LIMD1: variants seen among roughly 807,000 people sequenced by gnomAD.
LIMD1 encodes the protein LIM domain-containing protein 1.
A neutral mutation model predicts 58.4 loss-of-function variants in LIMD1; 23 were observed. The observed-to-expected ratio is 0.39, with a 90% CI of 0.28 to 0.56. The LOEUF (loss-of-function observed/expected upper bound fraction) is 0.56, where lower values mean the gene tolerates loss of function less well. Ranked by LOEUF, LIMD1 falls within the 20% of genes least tolerant of loss-of-function variation. The probability of loss-of-function intolerance (pLI) is 0.57; values close to 1 mark genes in which losing one functional copy is unlikely to be tolerated. For synonymous variants in LIMD1, 334 were observed against 345.5 expected (o/e 0.97, Z 0.37); for missense variants, 838 against 855.5 (o/e 0.98, Z 0.25).
chr3:45,634,544 C>G (rs894154505), intron 1 of LIMD1, among the ~76,000 whole-genome samples: 2 of 152,198 alleles, frequency 1.3e-5, no homozygotes, highest in African/African-American at 4.8e-5. Context: ...TTATAATTTG[C>G]CTGTTAATTG....
chr3:45,619,351 CAAAT>C (rs1013706848), intron 1 of LIMD1, among the ~76,000 whole-genome samples: 1 of 152,088 alleles, frequency 6.6e-6, no homozygotes, highest in African/African-American at 2.4e-5. Context: ...CCAGATTTAA[CAAAT>C]AAAAATACAT....
intron 1 of LIMD1, among the ~76,000 whole-genome samples, chr3:45,630,792 C>G (rs1271220927): frequency 6.6e-6 from 1 of 152,148 alleles, no homozygotes; most frequent in East Asian, 1.9e-4. Flanking sequence ...TGAGTTGGAA[C>G]TGGGGCTCAG....
chr3:45,647,270 T>C (rs561370332), intron 2 of LIMD1, among the ~76,000 whole-genome samples: 1 of 152,338 alleles, frequency 6.6e-6, no homozygotes, highest in Non-Finnish European at 1.5e-5. Flanking sequence ...ATCTGCTGCG[T>C]AAGATCCTGT....
intron 2 of LIMD1, among the ~76,000 whole-genome samples, chr3:45,653,826 C>CTTGAA (rs1456572770): frequency 7.3e-6 from 1 of 137,268 alleles, no homozygotes; most frequent in Non-Finnish European, 1.5e-5. Flanking sequence ...AGGAGGATGG[C>CTTGAA]TTGAATCCAG....
At position 45,683,338 on chromosome 3, in the gene LIMD1, C is replaced by T. The variant is rs1335321107; in HGVS notation, c.*6279C>T. ...CCTAGAACTAAGTCAAAAGGAAAACCCCAACTTTCCACGCTCAAGTAACAA... is the reference window on the plus strand; with the variant it reads ...CCTAGAACTAAGTCAAAAGGAAAACTCCAACTTTCCACGCTCAAGTAACAA... On this transcript the variant is annotated 3_prime_UTR_variant, in exon 8 of 8. Coordinates refer to ENST00000273317, the MANE Select transcript of LIMD1 (RefSeq NM_014240.3). 1 of 152,096 alleles carries T rather than the reference C, an allele frequency of 6.6e-6. No homozygotes were observed. Among genetic ancestry groups the T allele is most frequent in the Non-Finnish European group, 1.5e-5 (1 of 68,012 alleles). The allele number at this position is 152,096 out of a possible 1,614,324, so 9.4% of individuals were successfully genotyped here.
intron 1 of LIMD1, 151 bp from the exon 2 acceptor site, chr3:45,635,999 A>C: frequency 1.3e-6 from 2 of 1,497,448 alleles, no homozygotes; most frequent in Non-Finnish European, 1.8e-6. Context: ...AGGGAGAGGG[A>C]GAGAAAGACA....
chr3:45,664,376 A>T (rs1231880198), intron 2 of LIMD1, among the ~76,000 whole-genome samples: 1 of 151,938 alleles, frequency 6.6e-6, no homozygotes, highest in East Asian at 1.9e-4. Flanking sequence ...TTTTTTCTTT[A>T]ACTCAACATG....
At chr3:45,618,047 G>A (rs995316049) in intron 1 of LIMD1, among the ~76,000 whole-genome samples, 21 of 152,100 alleles carry the variant, frequency 1.4e-4, no homozygotes, top group Admixed American at 1.1e-3. Flanking sequence ...TTCTGGTTCC[G>A]TGTGGTGGGG....
chr3:45,613,625 A>T (rs1242071068), intron 1 of LIMD1, among the ~76,000 whole-genome samples: 1 of 123,354 alleles, frequency 8.1e-6, no homozygotes. Context: ...TAAGTCTGTT[A>T]GGATTGTTTT....
At chr3:45,657,432 G>A (rs758402193) in intron 2 of LIMD1, among the ~76,000 whole-genome samples, 1 of 151,870 alleles carries the variant, frequency 6.6e-6, no homozygotes, top group Non-Finnish European at 1.5e-5. Flanking sequence ...AGGCCAAGGC[G>A]GGAGGATTGC....
intron 1 of LIMD1, among the ~76,000 whole-genome samples, chr3:45,608,979 A>G (rs955459460): frequency 6.6e-6 from 1 of 152,192 alleles, no homozygotes; most frequent in African/African-American, 2.4e-5. Context: ...GAATCATGGT[A>G]TGTATTTATA....
At chr3:45,659,394 T>A (rs1015941567) in intron 2 of LIMD1, among the ~76,000 whole-genome samples, 1 of 152,174 alleles carries the variant, frequency 6.6e-6, no homozygotes, top group Non-Finnish European at 1.5e-5. Flanking sequence ...TTGACTAGCC[T>A]TAGACAACAT....
chr3:45,597,360 A>G lies in LIMD1; in HGVS notation c.1408+1073A>G, dbSNP rs551155070. ...GTGCCTCCTAACCCAGCCTACACCC[A>G]GGTAACAGCCAACAGCCAGGTTGCA... On this transcript the variant is annotated intron_variant, in intron 1 of 7. Transcript: ENST00000273317. Among the ~76,000 whole-genome samples the G allele has an allele frequency of 3.3e-5, 5 of 152,292 alleles. No homozygotes were observed. The South Asian group carries it at 6.2e-4, about 19-fold the overall frequency.
chr3:45,654,812 CAAAAA>C (rs1227980901), intron 2 of LIMD1, among the ~76,000 whole-genome samples: 54 of 56,520 alleles, frequency 9.6e-4, no homozygotes, highest in African/African-American at 2.9e-3. Context: ...GACCCTGTCT[CAAAAA>C]AAAAAAAAAA....
At chr3:45,635,888 C>T (rs1701782341) in intron 1 of LIMD1, 1 of 985,028 alleles carries the variant, frequency 1.0e-6, no homozygotes. Flanking sequence ...AGGGAGTTGA[C>T]CAAGCCCAGG....
rs1162692241 is a variant in LIMD1, at chr3:45,594,867, A to G, written c.-13A>G. 1.3e-6 allele frequency: 2 copies of G among 1,583,296 alleles called. No homozygotes were observed. The highest frequency in any genetic ancestry group is 1.7e-6 in the Non-Finnish European group (2 of 1,165,706). ...CACGGCACCTGGGCTAGGCCCGGAC[A>G]CCTGTCTGCAGCATGGATAAGTATG... On this transcript the variant is annotated 5_prime_UTR_variant, in exon 1 of 8. Coordinates refer to ENST00000273317, the MANE Select transcript of LIMD1 (RefSeq NM_014240.3).
In LIMD1 at chr3:45,617,570, C is replaced by T. The variant is rs1701587708; in HGVS notation, c.1409-18580C>T. 3.9e-5 allele frequency among the ~76,000 whole-genome samples: 6 copies of T among 152,244 alleles called. No individual in the cohort carries two copies. The South Asian group carries it at 1.2e-3, about 31-fold the overall frequency. On this transcript the variant is annotated intron_variant, in intron 1 of 7. Transcript: ENST00000273317. ...CCTGCTCCATTTCTCCTCCTCCCAG[C>T]AGCCCTGCAAAGTGCCCGCCAATTT...
intron 2 of LIMD1, among the ~76,000 whole-genome samples, chr3:45,653,907 CA>C (rs35185922): frequency 0.07 from 5,267 of 74,712 alleles, 112 homozygotes; most frequent in African/African-American, 0.23. Context: ...AAGACTGTCT[CA>C]AAAAAAAAAA....
chr3:45,608,754 T>C (rs13065096), intron 1 of LIMD1, among the ~76,000 whole-genome samples: 90,312 of 150,120 alleles, frequency 0.6, 27,627 homozygotes, highest in Non-Finnish European at 0.68. Flanking sequence ...GCAGGAGAAT[T>C]GCTTGAACCT....
Sources: allele counts gnomAD v4.1 joint callset (sites outside exome capture counted in the v4.1 genomes callset), GRCh38; gene constraint gnomAD v4.1.1; transcripts MANE v1.5; gene names NCBI Gene and HGNC (gene_info 2026-07-23, HGNC 2026-07-21).